The following GLOD5 variants were observed in gnomAD, a reference collection of about 807,000 sequenced individuals.
GLOD5 encodes the protein glyoxalase domain containing 5.
A neutral mutation model predicts 9.9 loss-of-function variants in GLOD5; 7 were observed. The ratio of observed to expected loss-of-function variants is 0.71; its 90% CI spans 0.40 to 1.33. The LOEUF (loss-of-function observed/expected upper bound fraction) is 1.33, where lower values mean the gene tolerates loss of function less well. GLOD5 is among the 40% of genes most tolerant of loss of function. The pLI, the probability that GLOD5 is intolerant of heterozygous loss-of-function variation, is 0.01. For missense variants in GLOD5, 146 were observed against 128.4 expected (o/e 1.14, Z -0.66); for synonymous variants, 49 against 47.3 (o/e 1.04, Z -0.14).
intron 2 of GLOD5, among the ~76,000 whole-genome samples, chrX:48,767,063 T>C (rs2051381711): frequency 2.1e-5 from 2 of 96,997 alleles, no homozygotes; most frequent in South Asian, 9.9e-4. Flanking sequence ...CAGGCCACAA[T>C]GGATCCCAAG....
intron 2 of GLOD5, among the ~76,000 whole-genome samples, chrX:48,766,663 AT>A (rs1181491717): frequency 9.1e-6 from 1 of 110,121 alleles, no homozygotes; most frequent in Non-Finnish European, 1.9e-5. Context: ...AGGCATGAGA[AT>A]TGCTTGAGCC....
intron 1 of GLOD5, 107 bp from the exon 2 acceptor site, chrX:48,765,728 G>A: frequency 3.4e-6 from 3 of 883,619 alleles, no homozygotes; most frequent in Non-Finnish European, 5.0e-6. Flanking sequence ...GAAGGGGGGT[G>A]AGGAGGAAGT....
chrX:48,765,794 G>C, intron 1 of GLOD5, 41 bp from the exon 2 acceptor site: 2 of 1,183,306 alleles, frequency 1.7e-6, no homozygotes, highest in Non-Finnish European at 2.3e-6. Context: ...GCGTTGACAA[G>C]TGGCAATGTG....
At chrX:48,765,704 A>G in intron 1 of GLOD5, 131 bp from the exon 2 acceptor site, 2 of 717,497 alleles carry the variant, frequency 2.8e-6, no homozygotes, top group Non-Finnish European at 4.4e-6. Context: ...GTATTCTCTC[A>G]GGCCTTTCCC....
intron 1 of GLOD5, among the ~76,000 whole-genome samples, chrX:48,765,330 G>C (rs944562495): frequency 1.0e-4 from 11 of 110,471 alleles, no homozygotes; most frequent in African/African-American, 3.3e-4. Flanking sequence ...CCAGCACTCT[G>C]GGAGGCCGAG....
rs782228155 is a variant in GLOD5 at position 48,761,769 on chromosome X, G to A, written c.-22G>A. 5 of 1,157,619 alleles carry A rather than the reference G, an allele frequency of 4.3e-6. No individual in the cohort carries two copies. The highest frequency in any genetic ancestry group is 5.8e-6 in the Non-Finnish European group (5 of 864,438). On this transcript the variant is annotated 5_prime_UTR_variant, in exon 1 of 4. Transcript: ENST00000303227. ...GCCAGAGGATTGTCGGGAGGACCCT[G>A]GGCAAAGACGCCTACCCTGCCATGC...
In GLOD5 at chrX:48,773,562, G is replaced by T; in HGVS notation, c.*127G>T. The stretch of plus-strand genomic sequence containing the variant: ...TTAGGCACTTCACACATCCTGCTGA[G>T]GGGGGACCCAAGACAGGTTTGGGAC... On this transcript the variant is annotated 3_prime_UTR_variant, in exon 4 of 4. Transcript: ENST00000303227. 1 of 759,977 alleles carries T rather than the reference G, an allele frequency of 1.3e-6. No individual in the cohort carries two copies. The highest frequency in any genetic ancestry group is 2.6e-5 in the South Asian group (1 of 38,173). The allele number at this position is 759,977 out of a possible 1,213,427, so 62.6% of individuals were successfully genotyped here. A position where few individuals can be genotyped will look rare whatever the true frequency, so the allele number is the denominator to read the frequency against.
intron 1 of GLOD5, among the ~76,000 whole-genome samples, chrX:48,765,249 C>T (rs1327698247): frequency 9.1e-6 from 1 of 110,263 alleles, no homozygotes; most frequent in African/African-American, 3.3e-5. Context: ...GTCTCCACTC[C>T]CCTAATCTTC....
chrX:48,773,631 G>C lies in GLOD5; in HGVS notation c.*196G>C, dbSNP rs1427613675. ...TGTCATCAAAGTTGGCCTAATAAAT[G>C]CATAACCTCTCAATGAATACGGGGT... On this transcript the variant is annotated 3_prime_UTR_variant, in exon 4 of 4. Transcript: ENST00000303227. 4.7e-6 allele frequency: 2 copies of C among 423,752 alleles called. No individual in the cohort carries two copies. Among genetic ancestry groups the C allele is most frequent in the Non-Finnish European group, 8.2e-6 (2 of 244,735 alleles). 34.9% of individuals were successfully genotyped at this position (423,752 alleles called of 1,213,427 possible).
At chrX:48,764,476 C>T (rs1557016345) in intron 1 of GLOD5, among the ~76,000 whole-genome samples, 1 of 110,063 alleles carries the variant, frequency 9.1e-6, no homozygotes, top group African/African-American at 3.3e-5. Context: ...AAATCATGCT[C>T]ATTTTATAGA....
At chrX:48,761,933 C>A (rs963950979) in intron 1 of GLOD5, 80 bp downstream of exon 1, 17 of 752,038 alleles carry the variant, frequency 2.3e-5, no homozygotes, top group Non-Finnish European at 3.4e-5. Flanking sequence ...CCCTTCTCTG[C>A]GGGCTCCCAT....
chrX:48,765,786 G>C (rs782116803), intron 1 of GLOD5, 49 bp from the exon 2 acceptor site: 1 of 1,179,869 alleles, frequency 8.5e-7, no homozygotes, highest in Non-Finnish European at 1.1e-6. Context: ...AAACACAGGC[G>C]TTGACAAGTG....
chrX:48,771,047 G>A lies in GLOD5; in HGVS notation c.322G>A (p.Glu108Lys). ...PGSLDICLITEVPLEEMIQHL... is the reference protein window; with the variant it reads ...PGSLDICLITKVPLEEMIQHL... ...CTCCCTGGACATATGTCTGATCACA[G>A]AGGTGCCTTTGGAGGAAATGATCCA... The change falls in exon 3 of 4, where the codon GAG becomes AAG. Residue 108 changes from glutamate to lysine, a missense_variant. Glu to Lys is a moderately conservative substitution (Grantham distance 56). Coordinates refer to ENST00000303227, the MANE Select transcript of GLOD5 (RefSeq NM_001080489.3). 1 of 1,196,117 alleles carries A rather than the reference G, an allele frequency of 8.4e-7. No homozygotes were observed. The highest frequency in any genetic ancestry group is 1.1e-6 in the Non-Finnish European group (1 of 889,433).
At chrX:48,765,043 G>A (rs781885194) in intron 1 of GLOD5, among the ~76,000 whole-genome samples, 10 of 110,967 alleles carry the variant, frequency 9.0e-5, no homozygotes, top group East Asian at 8.5e-4. Flanking sequence ...CTGTAAACAC[G>A]CACGCCCAGA....
chrX:48,768,517 G>A (rs954224477), intron 2 of GLOD5, among the ~76,000 whole-genome samples: 1 of 111,993 alleles, frequency 8.9e-6, no homozygotes, highest in East Asian at 2.8e-4. Context: ...ACAATGGAGT[G>A]AAATTTCAGA....
At position 48,764,291 on chromosome X, in the gene GLOD5, T is replaced by C. The variant is rs782217565; in HGVS notation, c.64-1544T>C. On this transcript the variant is annotated intron_variant, in intron 1 of 3. Transcript: ENST00000303227. ...AGTGTAGATTGGAGTTCAAGAGCAA[T>C]GGATGAGGCTGTAGAGATAGGGTGT... 7.2e-5 allele frequency among the ~76,000 whole-genome samples: 8 copies of C among 111,223 alleles called. No individual in the cohort carries two copies. The East Asian group carries it at 2.3e-3, about 31-fold the overall frequency.
intron 1 of GLOD5, among the ~76,000 whole-genome samples, chrX:48,764,208 C>CA (rs1360499000): frequency 1.3e-4 from 15 of 111,505 alleles, no homozygotes; most frequent in Non-Finnish European, 2.6e-4. Flanking sequence ...TTACCATCTG[C>CA]AAAGGCCCAT....
intron 2 of GLOD5, among the ~76,000 whole-genome samples, chrX:48,768,900 C>T (rs1557016977): frequency 9.1e-6 from 1 of 109,515 alleles, no homozygotes; most frequent in Non-Finnish European, 1.9e-5. Context: ...CATGGTGGCT[C>T]GCGCCTGTAG....
At chrX:48,770,840 T>C (rs1359914514) in intron 2 of GLOD5, 87 bp from the exon 3 acceptor site, 1 of 747,002 alleles carries the variant, frequency 1.3e-6, no homozygotes, top group East Asian at 3.8e-5. Context: ...TTTTAAACCT[T>C]GTTGGGATAG....
Sources: allele counts gnomAD v4.1 joint callset (sites outside exome capture counted in the v4.1 genomes callset), GRCh38; gene constraint gnomAD v4.1.1; transcripts MANE v1.5; gene names NCBI Gene and HGNC (gene_info 2026-07-23, HGNC 2026-07-21).